Variants in HS3ST4 observed in about 807,000 individuals in gnomAD.
HS3ST4 encodes the protein heparan sulfate-glucosamine 3-sulfotransferase 4, also known as heparan sulfate glucosamine 3-O-sulfotransferase 4.
A neutral mutation model predicts 29.2 loss-of-function variants in HS3ST4; 17 were observed. The ratio of observed to expected loss-of-function variants is 0.58; its 90% CI spans 0.40 to 0.87. The LOEUF is 0.87. Among genes scored for constraint, HS3ST4 ranks in the 40% least tolerant of loss-of-function variants. The pLI is 0.00. For synonymous variants in HS3ST4, 314 were observed against 285.7 expected (o/e 1.10, Z -1.00); for missense variants, 627 against 634.5 (o/e 0.99, Z 0.13).
At chr16:26,056,172 A>G (rs1160302948) in intron 1 of HS3ST4, among the ~76,000 whole-genome samples, 1 of 152,174 alleles carries the variant, frequency 6.6e-6, no homozygotes, top group Non-Finnish European at 1.5e-5. Flanking sequence ...TTTACCTAAC[A>G]AGGCAAGGGC....
intron 1 of HS3ST4, among the ~76,000 whole-genome samples, chr16:25,755,460 G>T (rs954541339): frequency 1.4e-4 from 21 of 152,284 alleles, no homozygotes; most frequent in African/African-American, 5.1e-4. Flanking sequence ...ACCATGGCAT[G>T]CATGGAGAGG....
At chr16:25,772,046 C>G (rs755430558) in intron 1 of HS3ST4, among the ~76,000 whole-genome samples, 12 of 152,190 alleles carry the variant, frequency 7.9e-5, no homozygotes, top group Non-Finnish European at 1.6e-4. Flanking sequence ...GCCATATGGT[C>G]TCTGTCACAC....
chr16:25,886,027 G>GTTTT (rs34713423), intron 1 of HS3ST4, among the ~76,000 whole-genome samples: 2,736 of 82,660 alleles, frequency 0.033, 150 homozygotes, highest in East Asian at 0.064. Context: ...TCTTACTGTG[G>GTTTT]TTTTTTTTTT....
chr16:25,848,696 A>G (rs1000965396), intron 1 of HS3ST4, among the ~76,000 whole-genome samples: 1 of 151,670 alleles, frequency 6.6e-6, no homozygotes, highest in Non-Finnish European at 1.5e-5. Flanking sequence ...TGCTCTTTTT[A>G]CAGAGCTAGC....
At chr16:25,831,547 T>C (rs1422209881) in intron 1 of HS3ST4, among the ~76,000 whole-genome samples, 1 of 151,864 alleles carries the variant, frequency 6.6e-6, no homozygotes, top group African/African-American at 2.4e-5. Context: ...ACTATGACCA[T>C]GCCACTGTAT....
At chr16:25,783,504 A>T (rs1275444588) in intron 1 of HS3ST4, among the ~76,000 whole-genome samples, 1 of 151,638 alleles carries the variant, frequency 6.6e-6, no homozygotes, top group East Asian at 1.9e-4. Context: ...GCATAATGAC[A>T]ATTTCCTGCA....
At chr16:25,839,564 A>G (rs956454032) in intron 1 of HS3ST4, among the ~76,000 whole-genome samples, 2 of 152,230 alleles carry the variant, frequency 1.3e-5, no homozygotes, top group African/African-American at 4.8e-5. Context: ...AATTTCTGAT[A>G]CACAGGAGAC....
intron 1 of HS3ST4, among the ~76,000 whole-genome samples, chr16:26,024,413 C>T (rs1969446809): frequency 6.6e-6 from 1 of 152,040 alleles, no homozygotes; most frequent in Non-Finnish European, 1.5e-5. Context: ...GAAGAGCACC[C>T]TCTGGCCACT....
At chr16:25,892,034 G>A (rs556075230) in intron 1 of HS3ST4, among the ~76,000 whole-genome samples, 106 of 152,270 alleles carry the variant, frequency 7.0e-4, no homozygotes, top group Non-Finnish European at 1.2e-3. Context: ...CTCAAGGCAA[G>A]GGTTTACTAT....
intron 1 of HS3ST4, among the ~76,000 whole-genome samples, chr16:25,958,189 A>T (rs933652321): frequency 2.6e-5 from 4 of 152,134 alleles, no homozygotes; most frequent in Non-Finnish European, 2.9e-5. Context: ...CAGATAAATA[A>T]CTGTTGTTAT....
intron 1 of HS3ST4, among the ~76,000 whole-genome samples, chr16:25,712,931 C>T (rs191802729): frequency 2.0e-3 from 303 of 152,272 alleles, no homozygotes; most frequent in African/African-American, 6.6e-3. Context: ...GGCTTGCAGA[C>T]GGCTCTATTC....
At chr16:25,933,261 C>T (rs2141688556) in intron 1 of HS3ST4, 1 of 446,962 alleles carries the variant, frequency 2.2e-6, no homozygotes, top group Non-Finnish European at 4.5e-6. Flanking sequence ...TCACCACAGC[C>T]ATTATTGATT....
At chr16:26,097,867 GA>G (rs1397629960) in intron 1 of HS3ST4, among the ~76,000 whole-genome samples, 2 of 152,006 alleles carry the variant, frequency 1.3e-5, no homozygotes, top group Non-Finnish European at 2.9e-5. Context: ...AATCTACAAA[GA>G]ACTCAAACAA....
chr16:25,882,012 A>G (rs1967900504), intron 1 of HS3ST4, among the ~76,000 whole-genome samples: 1 of 152,218 alleles, frequency 6.6e-6, no homozygotes, highest in Admixed American at 6.5e-5. Context: ...TGGCAGCTTC[A>G]GGTGGCTTTG....
rs149748394 is a variant in HS3ST4 at position 25,764,481 on chromosome 16, G to A, written c.734+71330G>A. Among the ~76,000 whole-genome samples the A allele has an allele frequency of 2.0e-5, 3 of 152,300 alleles. No homozygotes were observed. The East Asian group carries it at 5.8e-4, about 29-fold the overall frequency. On this transcript the variant is annotated intron_variant, in intron 1 of 1. Transcript: ENST00000331351. Reference sequence around the variant, plus strand: ...TGTGTGTGTACATGTGTGTGTGCCTGCAACAGTGTGCACCCGCATGTGTAT... The same window carrying A: ...TGTGTGTGTACATGTGTGTGTGCCTACAACAGTGTGCACCCGCATGTGTAT...
chr16:25,753,848 A>G (rs549503218), intron 1 of HS3ST4, among the ~76,000 whole-genome samples: 1 of 152,232 alleles, frequency 6.6e-6, no homozygotes, highest in Non-Finnish European at 1.5e-5. Context: ...AATTTATTAA[A>G]TTTTCCCGTA....
intron 1 of HS3ST4, among the ~76,000 whole-genome samples, chr16:25,988,172 G>A (rs1427962459): frequency 6.6e-6 from 1 of 152,182 alleles, no homozygotes; most frequent in Non-Finnish European, 1.5e-5. Flanking sequence ...TCTTCCATGA[G>A]CAGAGAGGTG....
rs1014683076 is a variant in HS3ST4, at chr16:25,852,517, A to C, written c.734+159366A>C. ...AAATATTAGCTATTTATATTTCTTT[A>C]TTCTGAATTTCATATGCACATTATT... On this transcript the variant is annotated intron_variant, in intron 1 of 1. Transcript: ENST00000331351. Among the ~76,000 whole-genome samples the C allele has an allele frequency of 2.6e-5, 4 of 151,616 alleles. No individual in the cohort carries two copies. The East Asian group carries it at 7.8e-4, about 29-fold the overall frequency.
chr16:26,056,210 T>C (rs775983498), intron 1 of HS3ST4, among the ~76,000 whole-genome samples: 6 of 152,226 alleles, frequency 3.9e-5, no homozygotes, highest in Non-Finnish European at 5.9e-5. Context: ...CGAATCCTTG[T>C]CAATTTCTAT....
Sources: gnomAD v4.1 joint callset for allele counts (sites outside exome capture counted in the v4.1 genomes callset) on GRCh38, gnomAD v4.1.1 for gene constraint, MANE v1.5 for transcripts, NCBI Gene and HGNC (gene_info 2026-07-23, HGNC 2026-07-21) for gene names.